The following TNK2 variants were observed in gnomAD, a reference collection of about 807,000 sequenced individuals.
The protein encoded by TNK2 is tyrosine kinase non receptor 2, also known as activated CDC42 kinase 1.
A neutral mutation model predicts 101.8 loss-of-function variants in TNK2; 83 were observed. The ratio of observed to expected loss-of-function variants is 0.82; its 90% CI spans 0.68 to 0.98. The LOEUF (loss-of-function observed/expected upper bound fraction) is 0.98. Among genes scored for constraint, TNK2 ranks in the 50% least tolerant of loss-of-function variants. The pLI, the probability that TNK2 is intolerant of heterozygous loss-of-function variation, is 0.00. For synonymous variants in TNK2, 804 were observed against 633.0 expected (o/e 1.27, Z -4.06); for missense variants, 1,665 against 1,483.2 (o/e 1.12, Z -2.01).
chr3:195,895,340 A>T (rs2149801810), intron 1 of TNK2: 2 of 1,565,554 alleles, frequency 1.3e-6, no homozygotes, highest in African/African-American at 1.4e-5. Context: ...GGAGAGAAGC[A>T]GCGCCCGCAG....
chr3:195,906,887 G>A (rs756779689), intron 1 of TNK2, among the ~76,000 whole-genome samples: 3 of 152,134 alleles, frequency 2.0e-5, no homozygotes, highest in African/African-American at 4.8e-5. Context: ...AACATCTGCC[G>A]GGGCTCCGGG....
Position 195,885,405 on chromosome 3 carries a change from G to T in TNK2, c.235-372C>A. On this transcript the variant is annotated intron_variant, in intron 3 of 15. Transcript: ENST00000672887. This position sits in a 1 kb window ranked among gnomAD's most constrained non-coding sequence, Gnocchi z 4.7. ...TGCACCCGCCACCCCGCAGACTCCAGCCCTAACCCGCATCGATGGAGCCGC... is the reference window on the plus strand; with the variant it reads ...TGCACCCGCCACCCCGCAGACTCCATCCCTAACCCGCATCGATGGAGCCGC... 7.4e-7 allele frequency: 1 copy of T among 1,344,294 alleles called. No individual in the cohort carries two copies. The highest frequency in any genetic ancestry group is 1.2e-5 in the South Asian group (1 of 80,728). 83.3% of individuals were successfully genotyped at this position (1,344,294 alleles called of 1,614,324 possible).
chr3:195,882,589 G>A lies in TNK2; in HGVS notation c.610-261C>T, dbSNP rs1753676875. The A allele has an allele frequency of 1.4e-6, 2 of 1,432,750 alleles. No homozygotes were observed. The highest frequency in any genetic ancestry group is 2.8e-5 in the African/African-American group (2 of 70,906). The allele number at this position is 1,432,750 out of a possible 1,614,324, so 88.8% of individuals were successfully genotyped here. ...ATTCCAAAACTCAGCTGGACGTGGT[G>A]GCTCACGCCTGTAATCCCAGCACTT... On this transcript the variant is annotated intron_variant, in intron 5 of 15. Coordinates refer to ENST00000672887, the MANE Select transcript of TNK2 (RefSeq NM_001382273.1). The surrounding 1 kb of genome is among the most constrained non-coding windows in gnomAD (Gnocchi z 4.2).
At chr3:195,870,546 C>T (rs941844907) in intron 10 of TNK2, 35 of 523,364 alleles carry the variant, frequency 6.7e-5, no homozygotes, top group Non-Finnish European at 9.9e-5. Context: ...CCGCAGGCCA[C>T]GATGGAGGGC....
In TNK2 at chr3:195,883,043, G is replaced by A. The variant is rs1577068981; in HGVS notation, c.609+114C>T. ...GACCCCTTTACTCCATCAGGTTGGG[G>A]GACCAAAGTAGGATCTAGGGCGCCT... On this transcript the variant is annotated intron_variant, in intron 5 of 15. Transcript: ENST00000672887. The A allele has an allele frequency of 2.2e-6, 3 of 1,346,060 alleles. No homozygotes were observed. The East Asian group carries it at 7.2e-5, about 32-fold the overall frequency. 83.4% of individuals were successfully genotyped at this position (1,346,060 alleles called of 1,614,324 possible).
At chr3:195,891,500 C>T (rs1167760913) in intron 1 of TNK2, among the ~76,000 whole-genome samples, 1 of 152,248 alleles carries the variant, frequency 6.6e-6, no homozygotes, top group Admixed American at 6.5e-5. Context: ...TCAACAAAAT[C>T]ATCTGTTTAC....
intron 9 of TNK2, among the ~76,000 whole-genome samples, chr3:195,875,798 T>G (rs141255935): frequency 1.4e-4 from 21 of 152,194 alleles, no homozygotes; most frequent in African/African-American, 5.1e-4. Context: ...GCATGAACCT[T>G]CTACCTCCTG....
intron 1 of TNK2, chr3:195,894,576 T>C (rs1759867547): frequency 6.6e-6 from 1 of 151,616 alleles, no homozygotes; most frequent in African/African-American, 2.4e-5. Context: ...TTTTCCGCCA[T>C]GTTGGCCAGG....
Position 195,899,488 on chromosome 3 carries a change from A to G in TNK2, c.-19+8997T>C, listed in dbSNP as rs181706423. Among the ~76,000 whole-genome samples, 7 of 152,122 alleles carry G rather than the reference A, an allele frequency of 4.6e-5. No homozygotes were observed. In the East Asian group the frequency reaches 1.2e-3, roughly 25 times the overall value. On this transcript the variant is annotated intron_variant, in intron 1 of 15. Coordinates refer to ENST00000672887, the MANE Select transcript of TNK2 (RefSeq NM_001382273.1). Reference sequence around the variant, plus strand: ...ATTACAAGTGTGCGCCACCACGCCCAGCTAATTTTTATATTTTTAGTAGAG... The same window carrying G: ...ATTACAAGTGTGCGCCACCACGCCCGGCTAATTTTTATATTTTTAGTAGAG...
chr3:195,880,041 T>G (rs116668398), intron 6 of TNK2, among the ~76,000 whole-genome samples: 1 of 152,148 alleles, frequency 6.6e-6, no homozygotes, highest in Non-Finnish European at 1.5e-5. Context: ...CCATGCGTCC[T>G]GGATCATAAG....
At chr3:195,887,637 T>C (rs1050350709) in intron 2 of TNK2, among the ~76,000 whole-genome samples, 1 of 152,256 alleles carries the variant, frequency 6.6e-6, no homozygotes, top group African/African-American at 2.4e-5. Context: ...TCTAATGTTC[T>C]ATGAAGAACA....
rs1027740490 is a variant in TNK2 at position 195,867,583 on chromosome 3, C to T, written c.2715G>A (p.Val905=). The change falls in exon 13 of 16, where the codon GTG becomes GTA. Residue 905 remains valine, a synonymous_variant. Transcript: ENST00000672887. ...TGCTGGGTGGGGGCAGCAGCAGAGGCACAGGCAGGGGGGTAGGCTCCTCGG... is the reference window on the plus strand; with the variant it reads ...TGCTGGGTGGGGGCAGCAGCAGAGGTACAGGCAGGGGGGTAGGCTCCTCGG... ...QSPEEPTPLP[V]PLLLPPPSTP... is the part of the protein sequence containing the mutation. 5.7e-6 allele frequency: 9 copies of T among 1,586,386 alleles called. No homozygotes were observed. Among genetic ancestry groups the T allele is most frequent in the East Asian group, 4.5e-5 (2 of 44,726 alleles).
intron 9 of TNK2, chr3:195,876,360 G>A (rs1749250407): frequency 2.2e-6 from 1 of 453,764 alleles, no homozygotes; most frequent in African/African-American, 2.0e-5. Flanking sequence ...TTCGCAAGTG[G>A]GAAGCCACGG....
chr3:195,895,378 G>C, intron 1 of TNK2: 1 of 1,550,840 alleles, frequency 6.4e-7, no homozygotes, highest in Non-Finnish European at 8.7e-7. Context: ...CACCGGCAGC[G>C]TCACTGCCCT....
In TNK2 at chr3:195,872,213, G is replaced by A. The variant is rs553169905; in HGVS notation, c.1451+63C>T. The A allele has an allele frequency of 2.0e-3, 3,240 of 1,581,302 alleles. 5 individuals are homozygous for A. The highest frequency in any genetic ancestry group is 2.5e-3 in the Non-Finnish European group (2,915 of 1,157,816). On this transcript the variant is annotated intron_variant, in intron 10 of 15. Coordinates refer to ENST00000672887, the MANE Select transcript of TNK2 (RefSeq NM_001382273.1). ...AGAGCAGATTCCGCCCACGCGTGCCGTGCTGAGGGCCCTGGAGTCCCGAGC... is the reference window on the plus strand; with the variant it reads ...AGAGCAGATTCCGCCCACGCGTGCCATGCTGAGGGCCCTGGAGTCCCGAGC...
At chr3:195,900,643 A>G (rs1485804552) in intron 1 of TNK2, among the ~76,000 whole-genome samples, 2 of 152,194 alleles carry the variant, frequency 1.3e-5, no homozygotes, top group Non-Finnish European at 2.9e-5. Flanking sequence ...GGCAGAGGAC[A>G]CATTGCTGCA....
chr3:195,871,023 C>T (rs1018498827), intron 10 of TNK2, among the ~76,000 whole-genome samples: 194 of 148,602 alleles, frequency 1.3e-3, no homozygotes, highest in Non-Finnish European at 2.2e-3. Context: ...GTGTGGGGGC[C>T]CGCTGTGTGG....
chr3:195,896,896 G>A (rs1400342914), intron 1 of TNK2: 1 of 152,342 alleles, frequency 6.6e-6, no homozygotes, highest in Admixed American at 6.5e-5. Flanking sequence ...CCAACTGCAT[G>A]CGAAGTGACA....
Position 195,900,700 on chromosome 3 carries a change from G to A in TNK2, c.-19+7785C>T, listed in dbSNP as rs139901896. ...TGCACGCCACACATGCCCAGGTGCC[G>A]AGGCCAGGACACGAGTGCCGCAGAG... On this transcript the variant is annotated intron_variant, in intron 1 of 15. Transcript: ENST00000672887. Among the ~76,000 whole-genome samples the A allele has an allele frequency of 9.3e-3, 1,415 of 152,354 alleles. 14 individuals are homozygous for A. The highest frequency in any genetic ancestry group is 0.014 in the Non-Finnish European group (943 of 68,026).
Sources: gnomAD v4.1 joint callset for allele counts (sites outside exome capture counted in the v4.1 genomes callset) on GRCh38, gnomAD v4.1.1 for gene constraint, Gnocchi (gnomAD v3.1) non-coding constraint, MANE v1.5 for transcripts, NCBI Gene and HGNC (gene_info 2026-07-23, HGNC 2026-07-21) for gene names.